The following ELAPOR2 variants were observed in gnomAD, a reference collection of about 807,000 sequenced individuals.
The protein encoded by ELAPOR2 is endosome-lysosome associated apoptosis and autophagy regulator family member 2.
ELAPOR2 carries 89 observed loss-of-function variants against 120.7 expected under a neutral mutation model. That is an observed-to-expected ratio of 0.74 (90% CI 0.62 to 0.88). The LOEUF (loss-of-function observed/expected upper bound fraction) is 0.88, where lower values mean the gene tolerates loss of function less well. Among genes scored for constraint, ELAPOR2 ranks in the 40% least tolerant of loss-of-function variants. The pLI is 0.00. For missense variants in ELAPOR2, 1,134 were observed against 1,251.6 expected (o/e 0.91, Z 1.42); for synonymous variants, 444 against 444.9 (o/e 1.00, Z 0.03).
At chr7:87,055,840 T>C (rs1192239910) in intron 1 of ELAPOR2, among the ~76,000 whole-genome samples, 1 of 152,204 alleles carries the variant, frequency 6.6e-6, no homozygotes, top group African/African-American at 2.4e-5. Flanking sequence ...AAACTGAATG[T>C]GGAACAAAAA....
At chr7:86,951,476 T>A (rs1427230768) in intron 2 of ELAPOR2, among the ~76,000 whole-genome samples, 1 of 152,248 alleles carries the variant, frequency 6.6e-6, no homozygotes, top group Non-Finnish European at 1.5e-5. Context: ...GCCCTGTTAA[T>A]TAAAATCATA....
At chr7:86,908,069 G>T (rs1789116370) in intron 17 of ELAPOR2, among the ~76,000 whole-genome samples, 1 of 150,968 alleles carries the variant, frequency 6.6e-6, no homozygotes, top group African/African-American at 2.4e-5. Context: ...GTCTACTTAG[G>T]CCAATGCTTT....
intron 1 of ELAPOR2, among the ~76,000 whole-genome samples, chr7:87,008,387 C>T (rs1220770621): frequency 6.6e-6 from 1 of 152,170 alleles, no homozygotes; most frequent in Non-Finnish European, 1.5e-5. Context: ...TCTTAGGCTG[C>T]ATCCTGGATT....
intron 1 of ELAPOR2, among the ~76,000 whole-genome samples, chr7:87,043,996 C>A (rs1352843731): frequency 1.3e-4 from 19 of 148,590 alleles, no homozygotes; most frequent in African/African-American, 4.0e-4. Flanking sequence ...TGAGTGAACT[C>A]CCATTCACAA....
intron 8 of ELAPOR2, among the ~76,000 whole-genome samples, chr7:86,933,005 C>G (rs1055927393): frequency 6.6e-6 from 1 of 151,624 alleles, no homozygotes; most frequent in Non-Finnish European, 1.5e-5. Context: ...TGAAGTTAAT[C>G]ATTTTTAAAT....
At chr7:86,981,245 A>T (rs1014887545) in intron 1 of ELAPOR2, among the ~76,000 whole-genome samples, 1 of 152,198 alleles carries the variant, frequency 6.6e-6, no homozygotes, top group Non-Finnish European at 1.5e-5. Flanking sequence ...GAACTTTTGC[A>T]TAAGCCATCT....
intron 1 of ELAPOR2, among the ~76,000 whole-genome samples, chr7:87,018,321 G>A (rs566113549): frequency 6.6e-6 from 1 of 152,042 alleles, no homozygotes; most frequent in South Asian, 2.1e-4. Context: ...TTACAGGCGC[G>A]AGCCACCACG....
chr7:86,989,859 A>T (rs1391761760), intron 1 of ELAPOR2, among the ~76,000 whole-genome samples: 1 of 152,000 alleles, frequency 6.6e-6, no homozygotes, highest in African/African-American at 2.4e-5. Context: ...ATTCAAAGTT[A>T]TTAGCCTCTC....
intron 2 of ELAPOR2, among the ~76,000 whole-genome samples, chr7:86,958,047 T>A (rs1238359037): frequency 6.6e-6 from 1 of 152,130 alleles, no homozygotes; most frequent in Non-Finnish European, 1.5e-5. Context: ...AAGAGGTAAA[T>A]GTTAGGGGTG....
chr7:86,959,554 G>A (rs1791622724), intron 2 of ELAPOR2, among the ~76,000 whole-genome samples: 1 of 152,150 alleles, frequency 6.6e-6, no homozygotes, highest in Non-Finnish European at 1.5e-5. Context: ...TTTGTCAAAT[G>A]TTCTTTCTGC....
At chr7:87,044,984 G>A (rs1210082868) in intron 1 of ELAPOR2, among the ~76,000 whole-genome samples, 1 of 146,596 alleles carries the variant, frequency 6.8e-6, no homozygotes, top group Non-Finnish European at 1.5e-5. Flanking sequence ...ACACATTTAT[G>A]CAGCCAAAAA....
intron 3 of ELAPOR2, among the ~76,000 whole-genome samples, chr7:86,947,073 T>C (rs566294905): frequency 4.9e-4 from 75 of 152,284 alleles, no homozygotes; most frequent in African/African-American, 1.8e-3. Flanking sequence ...AATGTGGGGT[T>C]CCTGAGAGGC....
chr7:86,983,142 G>T (rs970719655), intron 1 of ELAPOR2, among the ~76,000 whole-genome samples: 5 of 152,146 alleles, frequency 3.3e-5, no homozygotes, highest in African/African-American at 1.2e-4. Context: ...AGAGAAAAAA[G>T]AGTAAAAAGA....
chr7:86,883,323 G>A (rs978582467), intron 21 of ELAPOR2, among the ~76,000 whole-genome samples: 5 of 152,044 alleles, frequency 3.3e-5, no homozygotes, highest in Non-Finnish European at 7.4e-5. Context: ...GAACATAAAT[G>A]AGCATATCTA....
At chr7:86,880,637 GTTGCCACTTGTGATTAGGA>G in intron 21 of ELAPOR2, 107 bp from the exon 22 acceptor site, 1 of 704,756 alleles carries the variant, frequency 1.4e-6, no homozygotes, top group Non-Finnish European at 2.4e-6. Context: ...AACCTATCTA[GTTGCCACTTGTGATTAGGA>G]TTTTACAGTT....
intron 8 of ELAPOR2, among the ~76,000 whole-genome samples, chr7:86,932,241 C>G (rs1790361175): frequency 6.6e-6 from 1 of 151,806 alleles, no homozygotes; most frequent in African/African-American, 2.4e-5. Context: ...CAAATTGAGC[C>G]AAGAATATTA....
At chr7:86,989,474 A>G (rs1792869372) in intron 1 of ELAPOR2, among the ~76,000 whole-genome samples, 1 of 152,214 alleles carries the variant, frequency 6.6e-6, no homozygotes, top group Non-Finnish European at 1.5e-5. Context: ...AGAGAGTGAC[A>G]TTTTAAAGGT....
At chr7:87,038,378 A>T (rs1279891542) in intron 1 of ELAPOR2, among the ~76,000 whole-genome samples, 3 of 152,242 alleles carry the variant, frequency 2.0e-5, no homozygotes, top group Admixed American at 1.3e-4. Flanking sequence ...GATAAGAAAA[A>T]GTCTAGGGAA....
chr7:86,937,583 T>C (rs1222734705), intron 8 of ELAPOR2, among the ~76,000 whole-genome samples: 1 of 152,092 alleles, frequency 6.6e-6, no homozygotes, highest in Non-Finnish European at 1.5e-5. Flanking sequence ...TTGCATTTTC[T>C]CAATGCAATT....
Sources: gnomAD v4.1 joint callset for allele counts (sites outside exome capture counted in the v4.1 genomes callset) on GRCh38, gnomAD v4.1.1 for gene constraint, MANE v1.5 for transcripts, NCBI Gene and HGNC (gene_info 2026-07-23, HGNC 2026-07-21) for gene names.